The following CCDC192 variants were observed in gnomAD, a reference collection of about 807,000 sequenced individuals.
The protein encoded by CCDC192 is coiled-coil domain-containing protein 192.
intron 3 of CCDC192, among the ~76,000 whole-genome samples, chr5:127,780,860 G>C (rs1273216155): frequency 6.6e-6 from 1 of 152,064 alleles, no homozygotes; most frequent in Non-Finnish European, 1.5e-5. Flanking sequence ...TGTTTTTATT[G>C]CATTTGCTTT....
intron 5 of CCDC192, among the ~76,000 whole-genome samples, chr5:127,864,736 C>G (rs1287410538): frequency 6.6e-6 from 1 of 152,210 alleles, no homozygotes; most frequent in Non-Finnish European, 1.5e-5. Context: ...TTACAAGTAT[C>G]AAGTGCTTCT....
intron 5 of CCDC192, among the ~76,000 whole-genome samples, chr5:127,862,159 A>G (rs2127106769): frequency 6.6e-6 from 1 of 152,284 alleles, no homozygotes; most frequent in South Asian, 2.1e-4. Flanking sequence ...AAATTCCTTA[A>G]CTGCACTGCA....
rs578217614 is a variant in CCDC192, at chr5:127,863,246, T to A, written c.412-12292T>A. On this transcript the variant is annotated intron_variant, in intron 5 of 6. Transcript: ENST00000514853. Reference sequence around the variant, plus strand: ...TGTCTTCTGCACAGTAACCAAGGGCTGGAAACAACCCAAGTGTTTATCCAT... The same window carrying A: ...TGTCTTCTGCACAGTAACCAAGGGCAGGAAACAACCCAAGTGTTTATCCAT... Among the ~76,000 whole-genome samples, 5 of 152,318 alleles carry A rather than the reference T, an allele frequency of 3.3e-5. No homozygotes were observed. In the East Asian group the frequency reaches 9.6e-4, roughly 29 times the overall value.
At chr5:127,760,256 T>G (rs1160084886) in intron 3 of CCDC192, among the ~76,000 whole-genome samples, 1 of 110,170 alleles carries the variant, frequency 9.1e-6, no homozygotes, top group Non-Finnish European at 1.8e-5. Flanking sequence ...TTAACCATTT[T>G]AATACAGTGG....
chr5:127,769,413 A>ATGTGTG (rs140726654), intron 3 of CCDC192, among the ~76,000 whole-genome samples: 8 of 146,218 alleles, frequency 5.5e-5, no homozygotes, highest in South Asian at 2.2e-4. Context: ...TTTTGTGTGT[A>ATGTGTG]TGTGTGTGTG....
intron 2 of CCDC192, among the ~76,000 whole-genome samples, chr5:127,746,323 C>A (rs191506650): frequency 2.0e-5 from 3 of 152,246 alleles, no homozygotes; most frequent in Admixed American, 6.5e-5. Flanking sequence ...TTGCTTTTGT[C>A]TTATGGAAAT....
At chr5:127,786,432 T>C in intron 3 of CCDC192, 1 of 626,320 alleles carries the variant, frequency 1.6e-6, no homozygotes, top group Non-Finnish European at 3.0e-6. Context: ...CAATTCCATG[T>C]AACACTGTAC....
intron 5 of CCDC192, among the ~76,000 whole-genome samples, chr5:127,859,171 G>A (rs550260017): frequency 6.6e-6 from 1 of 152,262 alleles, no homozygotes; most frequent in East Asian, 1.9e-4. Context: ...AGATGTTTAT[G>A]TAGACAAACT....
At chr5:127,926,544 CAAACTT>C (rs1057454760) in intron 6 of CCDC192, among the ~76,000 whole-genome samples, 6 of 152,108 alleles carry the variant, frequency 3.9e-5, no homozygotes, top group Admixed American at 2.6e-4. Flanking sequence ...GATAATAAGA[CAAACTT>C]AAAAGGTATT....
intron 6 of CCDC192, among the ~76,000 whole-genome samples, chr5:127,911,387 A>G (rs1753341907): frequency 6.6e-6 from 1 of 152,214 alleles, no homozygotes; most frequent in Admixed American, 6.5e-5. Context: ...CTGTTGGTAT[A>G]TAAGTCTCTG....
intron 6 of CCDC192, among the ~76,000 whole-genome samples, chr5:127,925,292 C>A (rs890964571): frequency 7.8e-6 from 1 of 128,486 alleles, no homozygotes; most frequent in Non-Finnish European, 1.5e-5. Context: ...TTGTTTGAGT[C>A]CCCTCTTGGA....
intron 5 of CCDC192, among the ~76,000 whole-genome samples, chr5:127,869,295 C>T (rs1487980641): frequency 6.6e-6 from 1 of 151,962 alleles, no homozygotes; most frequent in Non-Finnish European, 1.5e-5. Context: ...CTGCGTTCCA[C>T]CCTGGGCAAT....
intron 1 of CCDC192, among the ~76,000 whole-genome samples, chr5:127,706,928 T>C: frequency 6.6e-6 from 1 of 152,072 alleles, no homozygotes. Flanking sequence ...GTGGATAGAC[T>C]GAAAGTATCC....
chr5:127,755,201 A>G (rs1475329137), intron 3 of CCDC192, among the ~76,000 whole-genome samples: 1 of 152,200 alleles, frequency 6.6e-6, no homozygotes, highest in Non-Finnish European at 1.5e-5. Flanking sequence ...CTGGATTGAT[A>G]CATTTAGATA....
Position 127,735,515 on chromosome 5 carries a change from G to T in CCDC192, c.115-18753G>T, listed in dbSNP as rs1454887906. 4.0e-4 allele frequency among the ~76,000 whole-genome samples: 36 copies of T among 90,820 alleles called. 1 individual carries two copies. Among genetic ancestry groups the T allele is most frequent in the African/African-American group, 1.5e-3 (32 of 21,728 alleles). 59.6% of individuals were successfully genotyped at this position (90,820 alleles called of 152,430 possible). On this transcript the variant is annotated intron_variant, in intron 2 of 6. Transcript: ENST00000514853. ...TGGCATTGAATCTGTAAATTACCTT[G>T]GGCAGTATGGTCATTTTCACAATAT...
intron 2 of CCDC192, among the ~76,000 whole-genome samples, chr5:127,751,346 A>C (rs1021385157): frequency 1.3e-5 from 2 of 151,700 alleles, no homozygotes; most frequent in African/African-American, 4.8e-5. Context: ...CTTGTCTGTA[A>C]AGTATTTTAT....
chr5:127,766,052 C>T (rs1755207544), intron 3 of CCDC192, among the ~76,000 whole-genome samples: 1 of 152,220 alleles, frequency 6.6e-6, no homozygotes, highest in Non-Finnish European at 1.5e-5. Context: ...ATCCCACTCA[C>T]TTATGCCCTA....
intron 5 of CCDC192, among the ~76,000 whole-genome samples, chr5:127,825,401 G>A (rs1390747616): frequency 6.6e-6 from 1 of 152,168 alleles, no homozygotes; most frequent in Non-Finnish European, 1.5e-5. Flanking sequence ...GAGCCTTAGA[G>A]ACCATTTTGT....
intron 5 of CCDC192, chr5:127,857,877 A>G (rs542473554): frequency 6.6e-6 from 1 of 152,326 alleles, no homozygotes; most frequent in East Asian, 1.9e-4. Context: ...TATAAAGTCA[A>G]CGGATTATAA....
Sources: gnomAD v4.1 joint callset for allele counts (sites outside exome capture counted in the v4.1 genomes callset) on GRCh38, gnomAD v4.1.1 for gene constraint, MANE v1.5 for transcripts, NCBI Gene and HGNC (gene_info 2026-07-23, HGNC 2026-07-21) for gene names.